The following DPP10 variants were observed in gnomAD, a reference collection of about 807,000 sequenced individuals.
DPP10 encodes the protein inactive dipeptidyl peptidase 10.
DPP10 carries 33 observed loss-of-function variants against 120.9 expected under a neutral mutation model. The observed-to-expected ratio is 0.27, with a 90% CI of 0.21 to 0.37. DPP10 has a LOEUF of 0.37. Among genes scored for constraint, DPP10 ranks in the 10% least tolerant of loss-of-function variants. The pLI is 1.00. For missense variants in DPP10, 816 were observed against 942.8 expected, an observed-to-expected ratio of 0.87 and a Z score of 1.76; for synonymous variants, 337 against 326.1, an observed-to-expected ratio of 1.03 and a Z score of -0.36.
chr2:115,617,488 A>G (rs1438684698), intron 5 of DPP10, among the ~76,000 whole-genome samples: 1 of 151,780 alleles, frequency 6.6e-6, no homozygotes, highest in Non-Finnish European at 1.5e-5. Flanking sequence ...ATATTTTGGT[A>G]AACTATAGAC....
chr2:115,312,302 C>T (rs1334547113), intron 2 of DPP10, among the ~76,000 whole-genome samples: 3 of 152,040 alleles, frequency 2.0e-5, no homozygotes, highest in African/African-American at 7.2e-5. Flanking sequence ...ATCAAGTGGG[C>T]AAGTATAACA....
intron 1 of DPP10, among the ~76,000 whole-genome samples, chr2:114,695,990 A>G (rs1700045894): frequency 6.6e-6 from 1 of 152,130 alleles, no homozygotes; most frequent in South Asian, 2.1e-4. Flanking sequence ...ATATTGAACC[A>G]GCACAAAATA....
chr2:115,370,406 G>T (rs2065332675), intron 3 of DPP10, among the ~76,000 whole-genome samples: 1 of 152,106 alleles, frequency 6.6e-6, no homozygotes, highest in African/African-American at 2.4e-5. Context: ...GAAAGCTGTA[G>T]TGTATGTATG....
At chr2:115,554,968 G>A (rs2080116533) in intron 5 of DPP10, among the ~76,000 whole-genome samples, 1 of 152,084 alleles carries the variant, frequency 6.6e-6, no homozygotes, top group Non-Finnish European at 1.5e-5. Context: ...TACAGGGGCA[G>A]CTCTAAATCT....
At chr2:115,589,571 A>G (rs1342284489) in intron 5 of DPP10, among the ~76,000 whole-genome samples, 4 of 152,152 alleles carry the variant, frequency 2.6e-5, no homozygotes, top group East Asian at 3.9e-4. Context: ...AGAGCAAGCA[A>G]TTATGGTGAA....
At chr2:115,784,773 C>G (rs751341099) in intron 17 of DPP10, among the ~76,000 whole-genome samples, 7 of 152,158 alleles carry the variant, frequency 4.6e-5, no homozygotes, top group Non-Finnish European at 8.8e-5. Context: ...CTCAGGTGAT[C>G]TGCCAGCCAC....
At chr2:115,240,126 G>T (rs1302358587) in intron 1 of DPP10, among the ~76,000 whole-genome samples, 1 of 152,170 alleles carries the variant, frequency 6.6e-6, no homozygotes, top group East Asian at 1.9e-4. Flanking sequence ...CCAGTAATGG[G>T]ATTGCTGAGT....
At position 115,315,602 on chromosome 2, in the gene DPP10, T is replaced by C. The variant is rs1384275216; in HGVS notation, c.175+6249T>C. On this transcript the variant is annotated intron_variant, in intron 2 of 25. Transcript: ENST00000410059. The stretch of plus-strand genomic sequence containing the variant: ...ATTATGCATTATGAGGGGAAAATAA[T>C]GTTTTACCAGATTTTTAGATTTGTA... Among the ~76,000 whole-genome samples, 3 of 152,190 alleles carry C rather than the reference T, an allele frequency of 2.0e-5. No individual in the cohort carries two copies. In the East Asian group the frequency reaches 5.8e-4, roughly 29 times the overall value.
At chr2:115,232,246 T>C (rs956896178) in intron 1 of DPP10, among the ~76,000 whole-genome samples, 9 of 152,042 alleles carry the variant, frequency 5.9e-5, no homozygotes, top group Non-Finnish European at 1.0e-4. Context: ...ATTAAAAGTG[T>C]GATTTCTGTT....
At chr2:115,360,629 G>T (rs2064703572) in intron 3 of DPP10, among the ~76,000 whole-genome samples, 1 of 152,164 alleles carries the variant, frequency 6.6e-6, no homozygotes, top group South Asian at 2.1e-4. Flanking sequence ...TCATTCCTGG[G>T]ACTTGGGGGA....
chr2:115,014,476 C>A (rs1702490473), intron 1 of DPP10, among the ~76,000 whole-genome samples: 2 of 151,884 alleles, frequency 1.3e-5, no homozygotes, highest in South Asian at 4.2e-4. Context: ...TAGCAGAAGA[C>A]AAGAAATCAC....
At chr2:114,974,425 T>TA (rs1699613865) in intron 1 of DPP10, among the ~76,000 whole-genome samples, 1 of 150,984 alleles carries the variant, frequency 6.6e-6, no homozygotes, top group Admixed American at 6.6e-5. Context: ...TCCTTTTTTT[T>TA]TTTTTTTTTT....
intron 1 of DPP10, among the ~76,000 whole-genome samples, chr2:115,230,843 A>G (rs1385784503): frequency 2.0e-5 from 3 of 152,042 alleles, no homozygotes; most frequent in South Asian, 2.1e-4. Flanking sequence ...AGTAATTACA[A>G]ATTTTTTCAG....
At position 114,805,803 on chromosome 2, in the gene DPP10, G is replaced by A. The variant is rs1056932537; in HGVS notation, c.60+362965G>A. ...GAAACTATTTCAAGGACAATTAAAT[G>A]CTTGACCTGAAAGTGACACATTGCA... On this transcript the variant is annotated intron_variant, in intron 1 of 25. Coordinates refer to ENST00000410059, the MANE Select transcript of DPP10 (RefSeq NM_020868.6). Among the ~76,000 whole-genome samples the A allele has an allele frequency of 3.4e-4, 52 of 152,188 alleles. 1 individual carries two copies. Among genetic ancestry groups the A allele is most frequent in the Non-Finnish European group, 2.9e-5 (2 of 68,016 alleles).
At chr2:114,932,310 G>C (rs1696135203) in intron 1 of DPP10, among the ~76,000 whole-genome samples, 1 of 152,174 alleles carries the variant, frequency 6.6e-6, no homozygotes, top group South Asian at 2.1e-4. Flanking sequence ...TCATGACTAA[G>C]TATATACCAA....
At chr2:115,635,827 A>G (rs1335362880) in intron 5 of DPP10, among the ~76,000 whole-genome samples, 4 of 152,080 alleles carry the variant, frequency 2.6e-5, no homozygotes, top group African/African-American at 9.6e-5. Flanking sequence ...AGACTAGAAA[A>G]CTCTTGATGT....
intron 1 of DPP10, among the ~76,000 whole-genome samples, chr2:114,610,558 G>C (rs1441925140): frequency 1.3e-5 from 2 of 152,062 alleles, no homozygotes; most frequent in Non-Finnish European, 2.9e-5. Flanking sequence ...GAGGTGCTTT[G>C]AGTTTTGGGT....
chr2:114,732,553 C>T (rs747479266), intron 1 of DPP10, among the ~76,000 whole-genome samples: 14 of 152,014 alleles, frequency 9.2e-5, no homozygotes, highest in Admixed American at 3.9e-4. Context: ...ATTAAGTTGC[C>T]GAAGAGTATT....
At chr2:114,998,674 A>T (rs1003273196) in intron 1 of DPP10, among the ~76,000 whole-genome samples, 1 of 152,200 alleles carries the variant, frequency 6.6e-6, no homozygotes, top group Non-Finnish European at 1.5e-5. Flanking sequence ...GAGACATCTT[A>T]TACAGACAAG....
Sources: allele counts gnomAD v4.1 joint callset (sites outside exome capture counted in the v4.1 genomes callset), GRCh38; gene constraint gnomAD v4.1.1; transcripts MANE v1.5; gene names NCBI Gene and HGNC (gene_info 2026-07-23, HGNC 2026-07-21).